Variants in SLC25A42 observed in about 807,000 individuals in gnomAD.
SLC25A42 encodes the protein solute carrier family 25 member 42.
SLC25A42 carries 19 observed loss-of-function variants against 34.7 expected under a neutral mutation model. The observed-to-expected ratio is 0.55, with a 90% confidence interval of 0.38 to 0.80. SLC25A42 has a LOEUF of 0.80. Among genes scored for constraint, SLC25A42 ranks in the 30% least tolerant of loss-of-function variants. The pLI, the probability that SLC25A42 is intolerant of heterozygous loss-of-function variation, is 0.00. For synonymous variants in SLC25A42, 205 were observed against 191.2 expected (o/e 1.07, Z -0.59); for missense variants, 364 against 441.3 (o/e 0.82, Z 1.57).
In SLC25A42 at chr19:19,107,316, C is replaced by CAAAA. The variant is rs59963919; in HGVS notation, c.498-568_498-565dup. ...GGTCCACAGAGTGAGACCCTGTCTCCAAAAAAAAAAAAACAAAAAAAGTGT... is the reference window on the plus strand; with the variant it reads ...GGTCCACAGAGTGAGACCCTGTCTCCAAAAAAAAAAAAAAAAACAAAAAAAGTGT... On this transcript the variant is annotated intron_variant, in intron 6 of 7. Coordinates refer to ENST00000318596, the MANE Select transcript of SLC25A42 (RefSeq NM_178526.5). Among the ~76,000 whole-genome samples the CAAAA allele has an allele frequency of 7.2e-3, 952 of 131,330 alleles. 19 individuals carry two copies. The highest frequency in any genetic ancestry group is 0.012 in the Middle Eastern group (3 of 252). 86.2% of individuals were successfully genotyped at this position (131,330 alleles called of 152,430 possible). A position where few individuals can be genotyped will look rare whatever the true frequency, so the allele number is the denominator to read the frequency against.
rs938327182 is a variant in SLC25A42, at chr19:19,109,266, G to A, written c.649+1221G>A. On this transcript the variant is annotated intron_variant, in intron 7 of 7. Coordinates refer to ENST00000318596, the MANE Select transcript of SLC25A42 (RefSeq NM_178526.5). The surrounding 1 kb of genome is among the most constrained non-coding windows in gnomAD (Gnocchi z 4.1). ...CTTTGGCTGTTGCCAGGTTTTCTGT[G>A]ATCAGCCGACATCCAGGAGCTCGTC... 1.1e-4 allele frequency among the ~76,000 whole-genome samples: 17 copies of A among 152,168 alleles called. No individual in the cohort carries two copies. The highest frequency in any genetic ancestry group is 3.6e-4 in the African/African-American group (15 of 41,446).
intron 7 of SLC25A42, 80 bp downstream of exon 7, chr19:19,108,125 A>G: frequency 2.7e-6 from 4 of 1,475,368 alleles, no homozygotes; most frequent in Non-Finnish European, 3.6e-6. Context: ...GGTCACATAG[A>G]CCTGGAGACC....
chr19:19,078,598 G>A (rs1599668724), intron 1 of SLC25A42, among the ~76,000 whole-genome samples: 2 of 152,336 alleles, frequency 1.3e-5, no homozygotes, highest in South Asian at 4.1e-4. Context: ...CAAGCATGCA[G>A]CAAGCACACA....
At chr19:19,069,158 T>A (rs1376877990) in intron 1 of SLC25A42, among the ~76,000 whole-genome samples, 2 of 152,244 alleles carry the variant, frequency 1.3e-5, no homozygotes, top group South Asian at 2.1e-4. Context: ...GAGCTATTTT[T>A]AAAATATGCT....
rs932989262 is a variant in SLC25A42, at chr19:19,082,584, G to A, written c.-34-13507G>A. ...TTGCCATGTCGACCAGGCTGGTCTC[G>A]ATGCCTGACCTCAATTGATCCACCT... On this transcript the variant is annotated intron_variant, in intron 1 of 7. Transcript: ENST00000318596. Among the ~76,000 whole-genome samples, 15 of 151,994 alleles carry A rather than the reference G, an allele frequency of 9.9e-5. 1 individual carries two copies. Among genetic ancestry groups the A allele is most frequent in the Admixed American group, 5.9e-4 (9 of 15,258 alleles).
intron 1 of SLC25A42, among the ~76,000 whole-genome samples, chr19:19,094,066 G>C (rs1321970700): frequency 2.0e-5 from 3 of 152,208 alleles, no homozygotes; most frequent in Non-Finnish European, 4.4e-5. Context: ...GCGTCCACCT[G>C]ACTTATCCCA....
In SLC25A42 at chr19:19,110,596, C is replaced by G. The variant is rs759920889; in HGVS notation, c.677C>G (p.Pro226Arg). 6.7e-7 allele frequency: 1 copy of G among 1,481,888 alleles called. No individual in the cohort carries two copies. Among genetic ancestry groups the G allele is most frequent in the South Asian group, 1.3e-5 (1 of 74,456 alleles). 91.8% of individuals were successfully genotyped at this position (1,481,888 alleles called of 1,614,324 possible). ...REYSGRRQPY[P>R]FERMIFGACA... ...TACAGCGGCCGCCGGCAGCCCTACC[C>G]CTTCGAGCGCATGATCTTCGGCGCC... is the stretch of plus-strand genomic sequence containing the variant. Residue 226 changes from proline to arginine, a missense_variant, in exon 8 of 8, where the codon CCC (proline) becomes CGC (arginine). Coordinates refer to ENST00000318596, the MANE Select transcript of SLC25A42 (RefSeq NM_178526.5).
intron 1 of SLC25A42, among the ~76,000 whole-genome samples, chr19:19,089,643 G>A (rs898685566): frequency 6.6e-6 from 1 of 151,886 alleles, no homozygotes; most frequent in Non-Finnish European, 1.5e-5. Context: ...CAAGGAGGGT[G>A]GATCACCTGA....
At chr19:19,070,142 C>T (rs35597765) in intron 1 of SLC25A42, among the ~76,000 whole-genome samples, 125,692 of 150,862 alleles carry the variant, frequency 0.83, 52,452 homozygotes, top group East Asian at 0.89. Flanking sequence ...TACAGGTGCC[C>T]GCCACCACGC....
At chr19:19,066,485 G>A (rs376629068) in intron 1 of SLC25A42, among the ~76,000 whole-genome samples, 1 of 133,712 alleles carries the variant, frequency 7.5e-6, no homozygotes, top group Admixed American at 8.3e-5. Context: ...TTCTTGCTCT[G>A]TCGCCCAGGC....
chr19:19,078,074 C>T (rs2059663628), intron 1 of SLC25A42, among the ~76,000 whole-genome samples: 1 of 152,146 alleles, frequency 6.6e-6, no homozygotes, highest in Non-Finnish European at 1.5e-5. Context: ...GGGGTTGTGT[C>T]CATAGAGTGT....
intron 1 of SLC25A42, among the ~76,000 whole-genome samples, chr19:19,069,401 G>A (rs143694751): frequency 0.012 from 1,871 of 152,258 alleles, 18 homozygotes; most frequent in East Asian, 0.029. Flanking sequence ...TTCGTTTCCC[G>A]TGGCTGCCAT....
At chr19:19,097,558 C>A (rs1349987678) in intron 2 of SLC25A42, among the ~76,000 whole-genome samples, 1 of 152,266 alleles carries the variant, frequency 6.6e-6, no homozygotes, top group African/African-American at 2.4e-5. Context: ...ATCACACACA[C>A]ATGCCCATTC....
chr19:19,096,254 T>TGGCCC, intron 2 of SLC25A42, 49 bp downstream of exon 2: 7 of 1,456,610 alleles, frequency 4.8e-6, no homozygotes, highest in South Asian at 1.2e-5. Context: ...GGCCCCAGCC[T>TGGCCC]CCCCACCCCC....
intron 2 of SLC25A42, among the ~76,000 whole-genome samples, chr19:19,100,901 G>A (rs1191578550): frequency 1.3e-5 from 2 of 152,206 alleles, no homozygotes; most frequent in Non-Finnish European, 2.9e-5. Flanking sequence ...TGCAGGCTGA[G>A]GCAGAAGAAT....
chr19:19,096,635 A>T (rs965456195), intron 2 of SLC25A42, among the ~76,000 whole-genome samples: 14 of 152,096 alleles, frequency 9.2e-5, no homozygotes, highest in African/African-American at 3.4e-4. Context: ...CAGATTTTGG[A>T]ACACTAAGGA....
At chr19:19,100,730 A>T (rs1025303126) in intron 2 of SLC25A42, among the ~76,000 whole-genome samples, 1 of 152,040 alleles carries the variant, frequency 6.6e-6, no homozygotes, top group Non-Finnish European at 1.5e-5. Context: ...CTCTGTGTGG[A>T]CCAGTGGCAC....
intron 1 of SLC25A42, among the ~76,000 whole-genome samples, chr19:19,067,596 AT>A (rs895302867): frequency 1.3e-5 from 2 of 151,878 alleles, no homozygotes; most frequent in African/African-American, 2.4e-5. Context: ...GTTAAAAAAA[AT>A]TTTTTTTGAG....
intron 2 of SLC25A42, among the ~76,000 whole-genome samples, chr19:19,101,262 C>T (rs2059794846): frequency 6.6e-6 from 1 of 152,120 alleles, no homozygotes; most frequent in Admixed American, 6.5e-5. Flanking sequence ...TCACTGTCAC[C>T]CCCTCAACTG....
Sources: allele counts gnomAD v4.1 joint callset (sites outside exome capture counted in the v4.1 genomes callset), GRCh38; gene constraint gnomAD v4.1.1; non-coding constraint Gnocchi (gnomAD v3.1); transcripts MANE v1.5; gene names NCBI Gene and HGNC (gene_info 2026-07-23, HGNC 2026-07-21).